The following PEBP4 variants were observed in gnomAD, a reference collection of about 807,000 sequenced individuals.
PEBP4 encodes phosphatidylethanolamine-binding protein 4.
PEBP4 carries 22 observed loss-of-function variants against 23.9 expected under a neutral mutation model. The ratio of observed to expected loss-of-function variants is 0.92; its 90% confidence interval spans 0.66 to 1.31. The LOEUF is 1.31. PEBP4 is among the 40% of genes most tolerant of loss of function. The probability of loss-of-function intolerance (pLI) is 0.00; values close to 1 mark genes in which losing one functional copy is unlikely to be tolerated. For missense variants in PEBP4, 324 were observed against 281.7 expected (o/e 1.15, Z -1.07); for synonymous variants, 112 against 99.3 (o/e 1.13, Z -0.76).
At chr8:22,827,930 CT>C (rs1487481580) in intron 3 of PEBP4, among the ~76,000 whole-genome samples, 8 of 152,156 alleles carry the variant, frequency 5.3e-5, no homozygotes, top group African/African-American at 1.9e-4. Flanking sequence ...TGGGTGTAAA[CT>C]GGTATCTCAT....
intron 4 of PEBP4, among the ~76,000 whole-genome samples, chr8:22,755,033 T>C (rs1162128748): frequency 6.6e-6 from 1 of 152,194 alleles, no homozygotes; most frequent in Non-Finnish European, 1.5e-5. Context: ...GGGCTTTCCC[T>C]TAACTTAGGT....
intron 3 of PEBP4, among the ~76,000 whole-genome samples, chr8:22,876,297 C>T (rs1808120468): frequency 6.6e-6 from 1 of 152,248 alleles, no homozygotes; most frequent in African/African-American, 2.4e-5. Flanking sequence ...GGCGTGTCTA[C>T]TGGCTCTGCC....
intron 6 of PEBP4, among the ~76,000 whole-genome samples, chr8:22,723,820 G>A (rs1804567892): frequency 6.6e-6 from 1 of 152,196 alleles, no homozygotes; most frequent in African/African-American, 2.4e-5. Context: ...GGCCCTGCTC[G>A]GCACATCTGA....
intron 2 of PEBP4, among the ~76,000 whole-genome samples, chr8:22,923,866 G>A (rs1440336832): frequency 6.6e-6 from 1 of 152,158 alleles, no homozygotes; most frequent in Non-Finnish European, 1.5e-5. Flanking sequence ...ACCGCACACT[G>A]AATCCACTAG....
At chr8:22,863,900 C>T (rs1391007024) in intron 3 of PEBP4, among the ~76,000 whole-genome samples, 3 of 152,172 alleles carry the variant, frequency 2.0e-5, no homozygotes, top group African/African-American at 4.8e-5. Context: ...CTCAAATGCA[C>T]GCTGTCCTCT....
intron 3 of PEBP4, among the ~76,000 whole-genome samples, chr8:22,882,758 G>A (rs1008582141): frequency 2.0e-5 from 3 of 152,084 alleles, no homozygotes; most frequent in African/African-American, 7.2e-5. Flanking sequence ...CCAGTCCAGT[G>A]CCCATACCAC....
chr8:22,927,517 C>G, intron 2 of PEBP4, 67 bp downstream of exon 2: 1 of 1,542,350 alleles, frequency 6.5e-7, no homozygotes, highest in Non-Finnish European at 8.7e-7. Context: ...TCTGGATATA[C>G]CCCTCCCTGC....
intron 4 of PEBP4, among the ~76,000 whole-genome samples, chr8:22,762,409 T>C (rs918464538): frequency 6.6e-6 from 1 of 152,214 alleles, no homozygotes; most frequent in Non-Finnish European, 1.5e-5. Context: ...TCCTTCAAAA[T>C]GCCTATCCAC....
intron 4 of PEBP4, 52 bp downstream of exon 4, chr8:22,817,585 T>C (rs1806769988): frequency 6.6e-7 from 1 of 1,523,224 alleles, no homozygotes. Flanking sequence ...TGAATGATAA[T>C]CTTCCAGATA....
intron 3 of PEBP4, among the ~76,000 whole-genome samples, chr8:22,904,970 T>C (rs1808783088): frequency 6.6e-6 from 1 of 152,218 alleles, no homozygotes; most frequent in Admixed American, 6.5e-5. Context: ...TGTGTTTCTC[T>C]GATTAAGTAA....
intron 4 of PEBP4, among the ~76,000 whole-genome samples, chr8:22,789,480 C>T (rs772289407): frequency 2.6e-5 from 4 of 152,102 alleles, no homozygotes; most frequent in South Asian, 2.1e-4. Context: ...AGAGAGACCC[C>T]GCTGATACTT....
intron 4 of PEBP4, among the ~76,000 whole-genome samples, chr8:22,743,360 G>A (rs1055486087): frequency 6.6e-6 from 1 of 152,248 alleles, no homozygotes; most frequent in Non-Finnish European, 1.5e-5. Flanking sequence ...TCTTGCTGGA[G>A]CCTCTAATGA....
In PEBP4 at chr8:22,917,208, C is replaced by G. The variant is rs143530072; in HGVS notation, c.258+2976G>C. Among the ~76,000 whole-genome samples the G allele has an allele frequency of 4.2e-3, 644 of 152,184 alleles. 4 individuals carry two copies. Among genetic ancestry groups the G allele is most frequent in the African/African-American group, 0.015 (607 of 41,506 alleles). On this transcript the variant is annotated intron_variant, in intron 3 of 6. Transcript: ENST00000256404. Reference sequence around the variant, plus strand: ...TTCAGTCACCTTGGAAGCAATGCACCATCCCCACATAGCAGTCACCAACTC... The same window carrying G: ...TTCAGTCACCTTGGAAGCAATGCACGATCCCCACATAGCAGTCACCAACTC...
At chr8:22,725,733 C>T (rs927987658) in intron 5 of PEBP4, among the ~76,000 whole-genome samples, 1 of 152,174 alleles carries the variant, frequency 6.6e-6, no homozygotes. Context: ...AGGAGGAGAG[C>T]CAGGCTGGAG....
intron 4 of PEBP4, among the ~76,000 whole-genome samples, chr8:22,790,681 A>T (rs563405591): frequency 1.3e-5 from 2 of 152,144 alleles, no homozygotes; most frequent in Non-Finnish European, 2.9e-5. Context: ...CTAGTTCCGA[A>T]TTTGTACATT....
chr8:22,779,735 T>G (rs192555171), intron 4 of PEBP4, among the ~76,000 whole-genome samples: 102 of 152,322 alleles, frequency 6.7e-4, no homozygotes, highest in Middle Eastern at 6.8e-3. Context: ...AAGTCAGGTC[T>G]GGAAGAGGAG....
chr8:22,824,940 G>A (rs1357289090), intron 3 of PEBP4, among the ~76,000 whole-genome samples: 1 of 152,172 alleles, frequency 6.6e-6, no homozygotes, highest in Non-Finnish European at 1.5e-5. Context: ...GGGGGTTGGG[G>A]ACTCCTGCTG....
upstream of PEBP4, among the ~76,000 whole-genome samples, chr8:22,929,080 T>A (rs976899589): frequency 6.6e-6 from 1 of 152,222 alleles, no homozygotes; most frequent in Non-Finnish European, 1.5e-5. Flanking sequence ...AGTCTAATAG[T>A]AGCCTCCTCA....
Position 22,724,894 on chromosome 8 carries a change from G to T in PEBP4, c.466C>A (p.Leu156Ile). 6.2e-7 allele frequency: 1 copy of T among 1,614,200 alleles called. No homozygotes were observed. The highest frequency in any genetic ancestry group is 1.1e-5 in the South Asian group (1 of 91,082). ...AGAGAGATGACTTTTCCTTCCTGAAGATAGACAAAGAACTGGTAGCGATGG... is the reference window on the plus strand; with the variant it reads ...AGAGAGATGACTTTTCCTTCCTGAATATAGACAAAGAACTGGTAGCGATGG... The part of the protein sequence containing the change: ...GFHRYQFFVY[L>I]QEGKVISLLP... Residue 156 changes from leucine (L) to isoleucine (I), a missense_variant, in exon 6 of 7, where the codon CTT becomes ATT. Transcript: ENST00000256404.
Sources: gnomAD v4.1 joint callset for allele counts (sites outside exome capture counted in the v4.1 genomes callset) on GRCh38, gnomAD v4.1.1 for gene constraint, MANE v1.5 for transcripts, NCBI Gene and HGNC (gene_info 2026-07-23, HGNC 2026-07-21) for gene names.